The following CEP126 variants were observed in gnomAD, a reference collection of about 807,000 sequenced individuals.
The protein encoded by CEP126 is centrosomal protein of 126 kDa.
CEP126 carries 74 observed loss-of-function variants against 107.8 expected under a neutral mutation model. That is an observed-to-expected ratio of 0.69 (90% CI 0.57 to 0.83). CEP126 has a LOEUF of 0.83. Ranked by LOEUF, CEP126 falls within the 40% of genes least tolerant of loss-of-function variation. CEP126 has a pLI of 0.00. For missense variants in CEP126, 1,237 were observed against 1,281.9 expected (o/e 0.96, Z 0.53); for synonymous variants, 449 against 446.0 (o/e 1.01, Z -0.08).
intron 6 of CEP126, among the ~76,000 whole-genome samples, chr11:101,969,995 T>G (rs1407093332): frequency 1.3e-5 from 2 of 152,212 alleles, no homozygotes; most frequent in Non-Finnish European, 2.9e-5. Flanking sequence ...AATACATTTA[T>G]AATTTAGGAT....
Position 101,961,770 on chromosome 11 carries a change from C to T in CEP126, c.735C>T (p.Thr245=). 4 of 1,543,016 alleles carry T rather than the reference C, an allele frequency of 2.6e-6. No homozygotes were observed. The South Asian group carries it at 3.8e-5, about 15-fold the overall frequency. Residue 245 remains threonine, a synonymous_variant, in exon 6 of 11, where the codon ACC becomes ACT. Transcript: ENST00000263468. ...QKFCDEVNQI[T]NSETLSSIDS... ...TTTGTGATGAAGTTAATCAGATAAC[C>T]AATTCTGAAACCCTCTCAAGTATAG...
intron 6 of CEP126, among the ~76,000 whole-genome samples, chr11:101,971,934 C>T (rs956062640): frequency 1.3e-5 from 2 of 151,816 alleles, no homozygotes; most frequent in African/African-American, 4.8e-5. Context: ...CATGGTGAAA[C>T]CCCGTCTCTA....
chr11:101,937,144 C>T (rs1276807467), intron 2 of CEP126, among the ~76,000 whole-genome samples: 3 of 152,122 alleles, frequency 2.0e-5, no homozygotes, highest in African/African-American at 7.2e-5. Context: ...TAATTTTGTG[C>T]ATGAAACAAA....
At chr11:101,978,572 A>C (rs1174716820) in intron 7 of CEP126, 113 bp downstream of exon 7, 1 of 645,262 alleles carries the variant, frequency 1.5e-6, no homozygotes, top group African/African-American at 1.8e-5. Context: ...ACATAAATAT[A>C]ATTATAGCCA....
rs1322515216 is a variant in CEP126, at chr11:101,962,789, A to T, written c.1754A>T (p.Tyr585Phe). Residue 585 changes from tyrosine (Y) to phenylalanine (F), a missense_variant, in exon 6 of 11, where the codon TAT (tyrosine) becomes TTT (phenylalanine). Tyr to Phe is a conservative substitution (Grantham distance 22, BLOSUM62 3). Transcript: ENST00000263468. ...LKSILKKESK[Y>F]EHGYLKALII... ...AGTATTTTAAAGAAAGAATCTAAAT[A>T]TGAACATGGTTATCTTAAGGCATTA... The T allele has an allele frequency of 1.9e-6, 3 of 1,603,158 alleles. No individual in the cohort carries two copies. Among genetic ancestry groups the T allele is most frequent in the Non-Finnish European group, 2.5e-6 (3 of 1,176,670 alleles).
At chr11:101,922,257 C>T (rs371069249) in intron 1 of CEP126, among the ~76,000 whole-genome samples, 1 of 151,504 alleles carries the variant, frequency 6.6e-6, no homozygotes, top group Non-Finnish European at 1.5e-5. Flanking sequence ...CTCCGCCTCC[C>T]GGGTTCAAGC....
chr11:101,952,600 A>G (rs1940827225), intron 4 of CEP126, among the ~76,000 whole-genome samples: 1 of 152,218 alleles, frequency 6.6e-6, no homozygotes, highest in Non-Finnish European at 1.5e-5. Context: ...CTACGAGGTT[A>G]AGAGGGTAGA....
chr11:101,943,442 A>G (rs537974968), intron 2 of CEP126, among the ~76,000 whole-genome samples: 1 of 151,774 alleles, frequency 6.6e-6, no homozygotes, highest in Admixed American at 6.6e-5. Flanking sequence ...TCCTAACCCC[A>G]TGCATTCTAA....
chr11:101,938,221 C>T (rs1243886678), intron 2 of CEP126, among the ~76,000 whole-genome samples: 1 of 148,720 alleles, frequency 6.7e-6, no homozygotes, highest in East Asian at 2.0e-4. Context: ...AATTTATTAG[C>T]ATAAAGTTGT....
chr11:101,921,039 C>T (rs1012839683), intron 1 of CEP126, among the ~76,000 whole-genome samples: 1 of 152,148 alleles, frequency 6.6e-6, no homozygotes, highest in Admixed American at 6.5e-5. Flanking sequence ...AGAAATTACT[C>T]ATATTGCTAC....
chr11:101,997,470 T>C (rs1941455658), intron 10 of CEP126, 129 bp from the exon 11 acceptor site: 6 of 1,447,096 alleles, frequency 4.1e-6, no homozygotes. Context: ...TCTGCAATCT[T>C]AAACTCATTA....
Position 101,944,149 on chromosome 11 carries a change from T to C in CEP126, c.249-116T>C, listed in dbSNP as rs180898730. 5 of 999,774 alleles carry C rather than the reference T, an allele frequency of 5.0e-6. No individual in the cohort carries two copies. In the Admixed American group the frequency reaches 1.5e-4, roughly 30 times the overall value. The allele number at this position is 999,774 out of a possible 1,614,324, so 61.9% of individuals were successfully genotyped here. A position where few individuals can be genotyped will look rare whatever the true frequency, so the allele number is the denominator to read the frequency against. Reference sequence around the variant, plus strand: ...GTTTTAAAAAATTTAAAATTTGTTGTTTTTAAATAAAATTTTGAAATATGA... The same window carrying C: ...GTTTTAAAAAATTTAAAATTTGTTGCTTTTAAATAAAATTTTGAAATATGA... On this transcript the variant is annotated intron_variant, in intron 2 of 10. Coordinates refer to ENST00000263468, the MANE Select transcript of CEP126 (RefSeq NM_020802.4).
At chr11:101,966,284 T>TG (rs1433745303) in intron 6 of CEP126, among the ~76,000 whole-genome samples, 4 of 152,214 alleles carry the variant, frequency 2.6e-5, no homozygotes, top group African/African-American at 9.6e-5. Context: ...TTTCCAAAAC[T>TG]GTTTAAATAT....
chr11:101,955,511 T>C (rs1349164567), intron 4 of CEP126, among the ~76,000 whole-genome samples: 1 of 152,162 alleles, frequency 6.6e-6, no homozygotes, highest in Non-Finnish European at 1.5e-5. Context: ...TAAACCAGAT[T>C]GTCCAGCCCA....
chr11:101,945,549 A>C (rs766605051), intron 3 of CEP126, among the ~76,000 whole-genome samples: 33 of 152,212 alleles, frequency 2.2e-4, no homozygotes, highest in Admixed American at 1.6e-3. Flanking sequence ...AACTGCGCTA[A>C]ATAACAATAG....
intron 3 of CEP126, among the ~76,000 whole-genome samples, chr11:101,945,787 A>G (rs1940727206): frequency 6.6e-6 from 1 of 152,120 alleles, no homozygotes. Context: ...AAGAACAGGA[A>G]AAAAGGGTGT....
intron 6 of CEP126, among the ~76,000 whole-genome samples, chr11:101,966,558 A>G (rs1052571477): frequency 2.6e-5 from 4 of 152,120 alleles, no homozygotes; most frequent in African/African-American, 9.7e-5. Context: ...TCCCCCCTAA[A>G]AGATGACTTT....
chr11:101,983,952 A>G (rs1259711860), intron 8 of CEP126, among the ~76,000 whole-genome samples: 1 of 152,186 alleles, frequency 6.6e-6, no homozygotes, highest in Non-Finnish European at 1.5e-5. Flanking sequence ...GGTTTCACAA[A>G]CACTTTATAT....
At chr11:101,935,232 C>CTA (rs1026851275) in intron 2 of CEP126, among the ~76,000 whole-genome samples, 8 of 151,590 alleles carry the variant, frequency 5.3e-5, no homozygotes, top group Non-Finnish European at 1.2e-4. Flanking sequence ...ATATAGATAT[C>CTA]TATATATATA....
Sources: allele counts gnomAD v4.1 joint callset (sites outside exome capture counted in the v4.1 genomes callset), GRCh38; gene constraint gnomAD v4.1.1; transcripts MANE v1.5; gene names NCBI Gene and HGNC (gene_info 2026-07-23, HGNC 2026-07-21).